FREM2: variants seen among roughly 807,000 people sequenced by gnomAD.
FREM2 encodes FRAS1 related extracellular matrix 2.
Under a neutral mutation model 219.9 loss-of-function variants are expected in FREM2, and 119 were observed. That is an observed-to-expected ratio of 0.54 (90% confidence interval 0.47 to 0.63). The LOEUF (loss-of-function observed/expected upper bound fraction) is 0.63. Ranked by LOEUF, FREM2 falls within the 30% of genes least tolerant of loss-of-function variation. The pLI is 0.00. For synonymous variants in FREM2, 1,562 were observed against 1,522.8 expected (o/e 1.03, Z -0.60); for missense variants, 4,030 against 3,993.6 (o/e 1.01, Z -0.25).
In FREM2 at chr13:38,696,834, G is replaced by A. The variant is rs555160261; in HGVS notation, c.5174-864G>A. 2.0e-4 allele frequency among the ~76,000 whole-genome samples: 30 copies of A among 150,646 alleles called. No individual in the cohort carries two copies. In the South Asian group the frequency reaches 4.6e-3, roughly 23 times the overall value. ...ACTTTTTTTTTTTTTTTGAGACAGG[G>A]TCTCATTCTCTTGCCCAGGCTAGAG... is the stretch of plus-strand genomic sequence containing the variant. On this transcript the variant is annotated intron_variant, in intron 1 of 23. Coordinates refer to ENST00000280481, the MANE Select transcript of FREM2 (RefSeq NM_207361.6).
At position 38,881,023 on chromosome 13, in the gene FREM2, A is replaced by G. The variant is rs996893709; in HGVS notation, c.*236A>G. On this transcript the variant is annotated 3_prime_UTR_variant, in exon 24 of 24. Transcript: ENST00000280481. Reference sequence around the variant, plus strand: ...AGGCAGCAACAACGTACTCATATGTACACAGAGCCATGATGTGAGGAATGT... The same window carrying G: ...AGGCAGCAACAACGTACTCATATGTGCACAGAGCCATGATGTGAGGAATGT... 1 of 583,550 alleles carries G rather than the reference A, an allele frequency of 1.7e-6. No individual in the cohort carries two copies. The highest frequency in any genetic ancestry group is 3.0e-5 in the East Asian group (1 of 33,190). 36.1% of individuals were successfully genotyped at this position (583,550 alleles called of 1,614,324 possible).
intron 6 of FREM2, among the ~76,000 whole-genome samples, chr13:38,823,181 C>G (rs984941291): frequency 2.0e-5 from 3 of 151,940 alleles, no homozygotes; most frequent in Non-Finnish European, 4.4e-5. Flanking sequence ...TCCTTCATAT[C>G]TCTAAATATT....
intron 2 of FREM2, among the ~76,000 whole-genome samples, chr13:38,761,487 A>G (rs1268142132): frequency 6.6e-6 from 1 of 152,240 alleles, no homozygotes; most frequent in Non-Finnish European, 1.5e-5. Flanking sequence ...TAAACACAAT[A>G]ATTTTTTAAA....
At position 38,886,018 on chromosome 13, in the gene FREM2, A is replaced by G. The variant is rs1407640411; in HGVS notation, c.*5231A>G. ...GCCAAATGTTGCCTACACTGATTACATGATTGTCACAGTTTAAGTGAATTT... is the reference window on the plus strand; with the variant it reads ...GCCAAATGTTGCCTACACTGATTACGTGATTGTCACAGTTTAAGTGAATTT... On this transcript the variant is annotated 3_prime_UTR_variant, in exon 24 of 24. Coordinates refer to ENST00000280481, the MANE Select transcript of FREM2 (RefSeq NM_207361.6). 1 of 152,218 alleles carries G rather than the reference A, an allele frequency of 6.6e-6. No individual in the cohort carries two copies. Among genetic ancestry groups the G allele is most frequent in the Non-Finnish European group, 1.5e-5 (1 of 68,038 alleles). The allele number at this position is 152,218 out of a possible 1,614,324, so 9.4% of individuals were successfully genotyped here. A position where few individuals can be genotyped will look rare whatever the true frequency, so the allele number is the denominator to read the frequency against.
At chr13:38,694,522 T>A (rs1435633902) in intron 1 of FREM2, among the ~76,000 whole-genome samples, 1 of 152,204 alleles carries the variant, frequency 6.6e-6, no homozygotes, top group African/African-American at 2.4e-5. Flanking sequence ...AAGCAGTGCT[T>A]AAGAGTGAAG....
intron 2 of FREM2, among the ~76,000 whole-genome samples, chr13:38,725,585 G>A (rs17058513): frequency 0.054 from 8,238 of 152,206 alleles, 725 homozygotes; most frequent in African/African-American, 0.18. Flanking sequence ...GAGCTTCACC[G>A]CTTCAGAACT....
intron 2 of FREM2, among the ~76,000 whole-genome samples, chr13:38,707,768 G>T (rs993156355): frequency 6.6e-6 from 1 of 152,206 alleles, no homozygotes; most frequent in African/African-American, 2.4e-5. Context: ...GAACCATTTT[G>T]TGTCCCCGTA....
intron 2 of FREM2, among the ~76,000 whole-genome samples, chr13:38,763,182 AT>A (rs1320563325): frequency 6.6e-6 from 1 of 152,146 alleles, no homozygotes; most frequent in Non-Finnish European, 1.5e-5. Flanking sequence ...CAAGAAAACA[AT>A]TTCCCTACAT....
chr13:38,872,935 G>GT lies in FREM2; in HGVS notation c.8176+2dup, dbSNP rs779126010. 1.1e-5 allele frequency: 17 copies of GT among 1,612,690 alleles called. No homozygotes were observed. In the Admixed American group the frequency reaches 1.2e-4, roughly 11 times the overall value. On this transcript the variant is annotated splice_donor_variant, in intron 17 of 23. Transcript: ENST00000280481. LOFTEE classifies it high-confidence loss of function. ...AGCCCCCCAGAGGCTGAACTTCAAG[G>GT]TGAGTTCAGAAGACTTGGAAAATTC...
intron 4 of FREM2, among the ~76,000 whole-genome samples, chr13:38,781,198 T>C (rs1471100555): frequency 6.6e-6 from 1 of 152,032 alleles, no homozygotes; most frequent in Non-Finnish European, 1.5e-5. Flanking sequence ...TGGCTATTCC[T>C]TGTACACACT....
intron 2 of FREM2, among the ~76,000 whole-genome samples, chr13:38,709,762 A>G (rs1334143278): frequency 3.4e-5 from 5 of 149,174 alleles, no homozygotes; most frequent in Admixed American, 6.8e-5. Flanking sequence ...TTTGACACAG[A>G]TACTGTACCA....
chr13:38,687,623 T>C lies in FREM2; in HGVS notation c.279T>C (p.His93=), dbSNP rs1398432196. 1.9e-6 allele frequency: 3 copies of C among 1,609,672 alleles called. No homozygotes were observed. Among genetic ancestry groups the C allele is most frequent in the Non-Finnish European group, 2.5e-6 (3 of 1,178,270 alleles). ...FGREVWLDPL[H]DLVLQVQPGD... The stretch of plus-strand genomic sequence containing the variant: ...GTGAAGTCTGGCTGGATCCCCTGCA[T>C]GACCTGGTGTTGCAGGTGCAGCCCG... The change falls in exon 1 of 24, where the codon CAT becomes CAC. Residue 93 remains histidine, a synonymous_variant. Coordinates refer to ENST00000280481, the MANE Select transcript of FREM2 (RefSeq NM_207361.6).
intron 2 of FREM2, among the ~76,000 whole-genome samples, chr13:38,761,782 C>T (rs776110892): frequency 6.6e-5 from 10 of 152,144 alleles, no homozygotes; most frequent in Non-Finnish European, 1.3e-4. Context: ...AATAGGGGTC[C>T]TCATTTTAGG....
chr13:38,703,739 T>C (rs1566110682), intron 2 of FREM2, among the ~76,000 whole-genome samples: 1 of 152,186 alleles, frequency 6.6e-6, no homozygotes, highest in Non-Finnish European at 1.5e-5. Flanking sequence ...TCCAAAATTA[T>C]ACATTATATG....
intron 6 of FREM2, among the ~76,000 whole-genome samples, chr13:38,805,098 C>A (rs533690808): frequency 6.6e-6 from 1 of 151,972 alleles, no homozygotes; most frequent in African/African-American, 2.4e-5. Flanking sequence ...AAATAAGAGT[C>A]ATTGGCAGTA....
At chr13:38,704,168 A>C (rs143658330) in intron 2 of FREM2, among the ~76,000 whole-genome samples, 3 of 152,314 alleles carry the variant, frequency 2.0e-5, no homozygotes, top group African/African-American at 7.2e-5. Flanking sequence ...TATTGGCTAA[A>C]GCAAGATTCC....
intron 15 of FREM2, among the ~76,000 whole-genome samples, chr13:38,862,400 G>C (rs1208798253): frequency 6.6e-6 from 1 of 152,192 alleles, no homozygotes; most frequent in African/African-American, 2.4e-5. Context: ...GTAGGTCCAT[G>C]TGGAGGTGTG....
At chr13:38,726,600 T>C (rs558494371) in intron 2 of FREM2, among the ~76,000 whole-genome samples, 1 of 152,282 alleles carries the variant, frequency 6.6e-6, no homozygotes, top group Non-Finnish European at 1.5e-5. Flanking sequence ...GGTTGAGAAC[T>C]ACTCTGTCAC....
Position 38,690,185 on chromosome 13 carries a change from T to A in FREM2, c.2841T>A (p.Thr947=), listed in dbSNP as rs1869759876. 6.2e-7 allele frequency: 1 copy of A among 1,614,148 alleles called. No individual in the cohort carries two copies. The highest frequency in any genetic ancestry group is 1.3e-5 in the African/African-American group (1 of 75,040). ...DDEVPILSHP[T]GTLESYLDVL... is the part of the protein sequence containing the mutation. ...AAGTGCCCATACTGAGCCATCCTAC[T>A]GGCACTCTGGAGTCCTATCTAGATG... is the stretch of plus-strand genomic sequence containing the variant. The change falls in exon 1 of 24, where the codon ACT becomes ACA. Residue 947 remains threonine (T), a synonymous_variant. Transcript: ENST00000280481.
Sources: allele counts gnomAD v4.1 joint callset (sites outside exome capture counted in the v4.1 genomes callset), GRCh38; gene constraint gnomAD v4.1.1; transcripts MANE v1.5; gene names NCBI Gene and HGNC (gene_info 2026-07-23, HGNC 2026-07-21).